The following GRIN2B variants were observed in gnomAD, a reference collection of about 807,000 sequenced individuals.
GRIN2B encodes the protein glutamate receptor ionotropic, NMDA 2B.
A neutral mutation model predicts 114.5 loss-of-function variants in GRIN2B; 5 were observed. The ratio of observed to expected loss-of-function variants is 0.04; its 90% CI spans 0.02 to 0.09. GRIN2B has a LOEUF of 0.09. GRIN2B is among the 10% of genes least tolerant of loss of function. The probability of loss-of-function intolerance (pLI) is 1.00; values close to 1 mark genes in which losing one functional copy is unlikely to be tolerated. For synonymous variants in GRIN2B, 787 were observed against 745.1 expected (o/e 1.06, Z -0.92); for missense variants, 1,108 against 1,943.5 (o/e 0.57, Z 8.08).
At chr12:13,721,037 T>G (rs1440607418) in intron 4 of GRIN2B, among the ~76,000 whole-genome samples, 1 of 152,060 alleles carries the variant, frequency 6.6e-6, no homozygotes, top group Non-Finnish European at 1.5e-5. Flanking sequence ...CAATAGATAG[T>G]GACCAAGAAG....
intron 3 of GRIN2B, among the ~76,000 whole-genome samples, chr12:13,833,238 C>A (rs928849594): frequency 6.6e-6 from 1 of 152,140 alleles, no homozygotes; most frequent in Non-Finnish European, 1.5e-5. Context: ...TAGAAAGATG[C>A]CTGATCACTA....
intron 2 of GRIN2B, among the ~76,000 whole-genome samples, chr12:13,872,948 T>C (rs902876332): frequency 1.3e-5 from 2 of 152,188 alleles, no homozygotes; most frequent in Admixed American, 1.3e-4. Context: ...TTCAAGCCAA[T>C]TCTTATCAAA....
At chr12:13,887,515 A>C (rs1387891500) in intron 2 of GRIN2B, among the ~76,000 whole-genome samples, 1 of 152,256 alleles carries the variant, frequency 6.6e-6, no homozygotes, top group Non-Finnish European at 1.5e-5. Flanking sequence ...CTCATACAAA[A>C]GGATCGGCAA....
intron 8 of GRIN2B, among the ~76,000 whole-genome samples, chr12:13,614,187 T>C (rs917809066): frequency 6.6e-6 from 1 of 152,152 alleles, no homozygotes; most frequent in Non-Finnish European, 1.5e-5. Context: ...ATAGAAAAAT[T>C]CTATGGAGCC....
chr12:13,853,608 C>G (rs1338940675), intron 3 of GRIN2B, among the ~76,000 whole-genome samples: 1 of 152,184 alleles, frequency 6.6e-6, no homozygotes, highest in Non-Finnish European at 1.5e-5. Flanking sequence ...TTTGCCATGT[C>G]TGTCTGCTAA....
At chr12:13,734,212 T>A (rs1225625273) in intron 4 of GRIN2B, among the ~76,000 whole-genome samples, 1 of 152,096 alleles carries the variant, frequency 6.6e-6, no homozygotes, top group East Asian at 1.9e-4. Context: ...TAGTAGATGA[T>A]TTTGTGATAT....
intron 5 of GRIN2B, among the ~76,000 whole-genome samples, chr12:13,640,772 G>T (rs1949707641): frequency 6.6e-6 from 1 of 152,096 alleles, no homozygotes; most frequent in South Asian, 2.1e-4. Context: ...TGTACCTGCA[G>T]GAACCAAAAT....
intron 4 of GRIN2B, among the ~76,000 whole-genome samples, chr12:13,749,561 C>G (rs1006611445): frequency 6.6e-6 from 1 of 152,202 alleles, no homozygotes; most frequent in Admixed American, 6.5e-5. Flanking sequence ...ATAAAACAAC[C>G]AGCCATTTGC....
chr12:13,752,883 G>C (rs1009065164), intron 4 of GRIN2B, among the ~76,000 whole-genome samples: 9 of 152,148 alleles, frequency 5.9e-5, no homozygotes, highest in African/African-American at 2.2e-4. Context: ...TTATTTCTAA[G>C]TCTCCTGCAT....
intron 3 of GRIN2B, among the ~76,000 whole-genome samples, chr12:13,782,099 T>C (rs1041725125): frequency 1.3e-5 from 2 of 152,188 alleles, no homozygotes; most frequent in Non-Finnish European, 2.9e-5. Context: ...GACTTTGAGC[T>C]AGTGAGGTTG....
chr12:13,753,271 T>C lies in GRIN2B; in HGVS notation c.1010+46A>G. 1 of 1,102,514 alleles carries C rather than the reference T, an allele frequency of 9.1e-7. No individual in the cohort carries two copies. The highest frequency in any genetic ancestry group is 1.4e-6 in the Non-Finnish European group (1 of 713,366). The allele number at this position is 1,102,514 out of a possible 1,614,324, so 68.3% of individuals were successfully genotyped here. A position where few individuals can be genotyped will look rare whatever the true frequency, so the allele number is the denominator to read the frequency against. Reference sequence around the variant, plus strand: ...AACTTCCAACCCCAGTCTTTGAAGCTCCCCTCTCATCTCCACCATCAATGT... The same window carrying C: ...AACTTCCAACCCCAGTCTTTGAAGCCCCCCTCTCATCTCCACCATCAATGT... On this transcript the variant is annotated intron_variant, in intron 4 of 13. Coordinates refer to ENST00000609686, the MANE Select transcript of GRIN2B (RefSeq NM_000834.5). This position sits in a 1 kb window ranked among gnomAD's most constrained non-coding sequence, Gnocchi z 6.2.
intron 2 of GRIN2B, among the ~76,000 whole-genome samples, chr12:13,907,030 T>C (rs1471644412): frequency 2.0e-5 from 3 of 152,306 alleles, no homozygotes; most frequent in Non-Finnish European, 4.4e-5. Context: ...TCAAATGATA[T>C]GGACATGAAG....
In GRIN2B at chr12:13,853,112, G is replaced by A. The variant is rs190525570; in HGVS notation, c.411+12686C>T. ...AAATCTCAAGGGCTACCTCCTCTGC[G>A]GCCTTCCCTGACAACCCTAACTAAA... is the stretch of plus-strand genomic sequence containing the variant. On this transcript the variant is annotated intron_variant, in intron 3 of 13. Transcript: ENST00000609686. 5.4e-4 allele frequency among the ~76,000 whole-genome samples: 82 copies of A among 152,210 alleles called. No individual in the cohort carries two copies. In the Middle Eastern group the frequency reaches 0.01, roughly 19 times the overall value.
At chr12:13,758,155 A>G (rs1296878294) in intron 3 of GRIN2B, among the ~76,000 whole-genome samples, 1 of 152,194 alleles carries the variant, frequency 6.6e-6, no homozygotes, top group Non-Finnish European at 1.5e-5. Flanking sequence ...CCAAAGGGTC[A>G]GTTTATCTTC....
intron 10 of GRIN2B, among the ~76,000 whole-genome samples, chr12:13,577,983 T>G (rs574078334): frequency 6.1e-4 from 93 of 152,380 alleles, no homozygotes; most frequent in African/African-American, 2.2e-3. Flanking sequence ...GAGATGCCTG[T>G]GCTGAAGATG....
intron 3 of GRIN2B, among the ~76,000 whole-genome samples, chr12:13,828,599 CTCAG>C (rs1410182102): frequency 6.6e-6 from 1 of 152,192 alleles, no homozygotes; most frequent in Non-Finnish European, 1.5e-5. Flanking sequence ...CTCATTGAAC[CTCAG>C]TCCTGGAATT....
chr12:13,636,622 A>C (rs188393183), intron 5 of GRIN2B, among the ~76,000 whole-genome samples: 5 of 152,148 alleles, frequency 3.3e-5, no homozygotes, highest in Non-Finnish European at 5.9e-5. Flanking sequence ...GTTGAGAGAA[A>C]GAGAGAAATC....
At chr12:13,708,634 C>T (rs1950384865) in intron 4 of GRIN2B, among the ~76,000 whole-genome samples, 1 of 151,496 alleles carries the variant, frequency 6.6e-6, no homozygotes, top group African/African-American at 2.4e-5. Context: ...CTTATTTATG[C>T]TAAATACTTT....
intron 5 of GRIN2B, among the ~76,000 whole-genome samples, chr12:13,662,137 T>A (rs986053008): frequency 2.0e-5 from 3 of 152,194 alleles, no homozygotes; most frequent in African/African-American, 7.2e-5. Flanking sequence ...TGCTTCTTGA[T>A]TTTTTGGAAA....
Sources: allele counts gnomAD v4.1 joint callset (sites outside exome capture counted in the v4.1 genomes callset), GRCh38; gene constraint gnomAD v4.1.1; non-coding constraint Gnocchi (gnomAD v3.1); transcripts MANE v1.5; gene names NCBI Gene and HGNC (gene_info 2026-07-23, HGNC 2026-07-21).